The following SHTN1 variants were observed in gnomAD, a reference collection of about 807,000 sequenced individuals.
SHTN1 encodes shootin-1.
Under a neutral mutation model 83.1 loss-of-function variants are expected in SHTN1, and 42 were observed. That is an observed-to-expected ratio of 0.51 (90% CI 0.39 to 0.65). SHTN1 has a LOEUF of 0.65. Ranked by LOEUF, SHTN1 falls within the 30% of genes least tolerant of loss-of-function variation. SHTN1 has a pLI of 0.00. For missense variants in SHTN1, 622 were observed against 737.8 expected (o/e 0.84, Z 1.82); for synonymous variants, 224 against 247.7 (o/e 0.90, Z 0.90).
chr10:116,898,486 A>C (rs1847601821), intron 16 of SHTN1, among the ~76,000 whole-genome samples: 1 of 152,178 alleles, frequency 6.6e-6, no homozygotes, highest in East Asian at 1.9e-4. Flanking sequence ...TTTGCACTTA[A>C]TGTGCCTGGT....
chr10:116,928,380 G>T (rs1026167239), intron 10 of SHTN1, among the ~76,000 whole-genome samples: 1 of 152,272 alleles, frequency 6.6e-6, no homozygotes, highest in East Asian at 1.9e-4. Context: ...ACCAGATTCA[G>T]CTTCCTAAAT....
chr10:116,920,716 G>A (rs918410304), intron 12 of SHTN1, among the ~76,000 whole-genome samples: 1 of 151,998 alleles, frequency 6.6e-6, no homozygotes, highest in African/African-American at 2.4e-5. Flanking sequence ...TCTGGCTCCT[G>A]CCTACCTATT....
At chr10:117,055,138 G>A (rs952692940) in intron 1 of SHTN1, among the ~76,000 whole-genome samples, 6 of 152,086 alleles carry the variant, frequency 3.9e-5, no homozygotes, top group Admixed American at 3.3e-4. Context: ...CTAAACCATC[G>A]AATCTCGTGA....
At chr10:116,989,496 T>C (rs1324691739) in intron 1 of SHTN1, among the ~76,000 whole-genome samples, 1 of 152,186 alleles carries the variant, frequency 6.6e-6, no homozygotes, top group African/African-American at 2.4e-5. Context: ...CCTGTTTGCC[T>C]AAAAGCAGGA....
chr10:116,904,612 A>G (rs1010684801), intron 15 of SHTN1, among the ~76,000 whole-genome samples: 4 of 152,192 alleles, frequency 2.6e-5, no homozygotes, highest in Non-Finnish European at 4.4e-5. Flanking sequence ...CTGCCCTAAA[A>G]TAATACAAAT....
chr10:117,044,652 T>C (rs935235926), intron 2 of SHTN1, among the ~76,000 whole-genome samples: 4 of 152,182 alleles, frequency 2.6e-5, no homozygotes, highest in African/African-American at 9.6e-5. Flanking sequence ...TAGCTTGGAT[T>C]ATTTTTCTGA....
rs375693273 is a variant in SHTN1 at position 116,922,142 on chromosome 10, A to G, written c.1113-626T>C. On this transcript the variant is annotated intron_variant, in intron 11 of 16. Coordinates refer to ENST00000355371, the MANE Select transcript of SHTN1 (RefSeq NM_001127211.3). ...TCTACAGATCAATGAGAAAAAGCAC[A>G]TAATTCAAGACAAAATGGAAGAGAA... Among the ~76,000 whole-genome samples, 5 of 152,308 alleles carry G rather than the reference A, an allele frequency of 3.3e-5. No homozygotes were observed. The South Asian group carries it at 1.0e-3, about 32-fold the overall frequency.
intron 1 of SHTN1, among the ~76,000 whole-genome samples, chr10:116,983,126 C>T (rs564377458): frequency 6.6e-6 from 1 of 152,184 alleles, no homozygotes; most frequent in Non-Finnish European, 1.5e-5. Flanking sequence ...ATCCTAATGA[C>T]AGCCGAGCAC....
At chr10:116,891,528 T>G (rs1396008146) in intron 16 of SHTN1, among the ~76,000 whole-genome samples, 1 of 152,210 alleles carries the variant, frequency 6.6e-6, no homozygotes, top group African/African-American at 2.4e-5. Context: ...AGATTTAAAT[T>G]TGTCTTTATA....
chr10:117,065,098 T>C (rs148046178), intron 1 of SHTN1, among the ~76,000 whole-genome samples: 224 of 151,634 alleles, frequency 1.5e-3, no homozygotes, highest in African/African-American at 5.1e-3. Context: ...TAAGTGGGAG[T>C]TGAACAATGA....
intron 1 of SHTN1, among the ~76,000 whole-genome samples, chr10:117,061,141 T>A (rs980471301): frequency 6.6e-6 from 1 of 151,766 alleles, no homozygotes; most frequent in Non-Finnish European, 1.5e-5. Context: ...TAGTCTTTTT[T>A]TTTTTTTTTC....
intron 1 of SHTN1, among the ~76,000 whole-genome samples, chr10:117,077,145 C>T (rs1018184668): frequency 9.9e-5 from 15 of 152,182 alleles, no homozygotes; most frequent in African/African-American, 3.1e-4. Context: ...GAATAGGTTT[C>T]CTTAGTTGGC....
chr10:117,110,224 C>A (rs1046594477), intron 1 of SHTN1, among the ~76,000 whole-genome samples: 2 of 152,250 alleles, frequency 1.3e-5, no homozygotes, highest in African/African-American at 4.8e-5. Context: ...GAGCCCCTAT[C>A]ACCACTCCAA....
intron 1 of SHTN1, among the ~76,000 whole-genome samples, chr10:117,084,599 A>G (rs957772597): frequency 5.3e-5 from 8 of 152,172 alleles, no homozygotes; most frequent in Non-Finnish European, 1.2e-4. Context: ...TGTTTACCTA[A>G]GCAAGCCTGG....
chr10:116,916,546 G>A (rs777057863), intron 12 of SHTN1, among the ~76,000 whole-genome samples: 20 of 152,180 alleles, frequency 1.3e-4, no homozygotes, highest in Non-Finnish European at 2.6e-4. Flanking sequence ...TACTATCTGA[G>A]TAGAAATGAC....
intron 2 of SHTN1, among the ~76,000 whole-genome samples, chr10:117,041,329 A>C (rs555077300): frequency 6.6e-6 from 1 of 152,324 alleles, no homozygotes; most frequent in African/African-American, 2.4e-5. Flanking sequence ...TTGGGTTTTT[A>C]ATGTGACTCC....
intron 1 of SHTN1, among the ~76,000 whole-genome samples, chr10:117,054,357 G>C (rs1852795638): frequency 6.6e-6 from 1 of 151,788 alleles, no homozygotes; most frequent in East Asian, 1.9e-4. Context: ...TTGCTAAACA[G>C]GTCTGTTTCA....
chr10:117,046,109 T>C (rs79133134), intron 2 of SHTN1, among the ~76,000 whole-genome samples: 4,154 of 152,128 alleles, frequency 0.027, 175 homozygotes, highest in African/African-American at 0.091. Context: ...GGAATAATGC[T>C]GGGGGATTTT....
At chr10:117,026,642 A>T (rs7080596) in intron 2 of SHTN1, among the ~76,000 whole-genome samples, 1 of 152,122 alleles carries the variant, frequency 6.6e-6, no homozygotes, top group Non-Finnish European at 1.5e-5. Context: ...GGCTGGTGTC[A>T]ATCTCCTGAC....
Sources: gnomAD v4.1 joint callset for allele counts (sites outside exome capture counted in the v4.1 genomes callset) on GRCh38, gnomAD v4.1.1 for gene constraint, MANE v1.5 for transcripts, NCBI Gene and HGNC (gene_info 2026-07-23, HGNC 2026-07-21) for gene names.